The following C13orf46 variants were observed in gnomAD, a reference collection of about 807,000 sequenced individuals.
C13orf46 encodes the protein uncharacterized protein C13orf46.
chr13:113,934,231 G>T, the C13orf46 span, among the ~76,000 whole-genome samples: 1 of 152,226 alleles, frequency 6.6e-6, no homozygotes, highest in Non-Finnish European at 1.5e-5. Context: ...CGTCGGACAC[G>T]CACCTGCTGA....
the C13orf46 span, among the ~76,000 whole-genome samples, chr13:113,947,808 C>G: frequency 6.6e-6 from 1 of 152,230 alleles, no homozygotes; most frequent in Admixed American, 6.5e-5. Context: ...CGTGACACTT[C>G]CCCCCAGACA....
In C13orf46 at chr13:113,961,091, G is replaced by A. The variant is rs987806111; in HGVS notation, c.572+3836C>T. Among the ~76,000 whole-genome samples the A allele has an allele frequency of 7.8e-3, 1,189 of 152,210 alleles. 10 individuals carry two copies. Among genetic ancestry groups the A allele is most frequent in the Non-Finnish European group, 0.013 (886 of 67,986 alleles). ...TTATTTTTAAATGATCTGTAATTCT[G>A]TTTTGATTGTTTTGAACCTTTTGAC... On this transcript the variant is annotated intron_variant, in intron 6 of 6. Coordinates refer to ENST00000636427, the MANE Select transcript of C13orf46 (RefSeq NM_001365455.2).
chr13:113,948,172 A>G, the C13orf46 span, among the ~76,000 whole-genome samples: 1 of 152,226 alleles, frequency 6.6e-6, no homozygotes, highest in Non-Finnish European at 1.5e-5. Flanking sequence ...GAGGAGTCAC[A>G]TAGACATGAC....
downstream of C13orf46, among the ~76,000 whole-genome samples, chr13:113,952,179 G>A (rs1337661513): frequency 4.6e-5 from 7 of 152,326 alleles, no homozygotes; most frequent in Non-Finnish European, 1.0e-4. Flanking sequence ...CCAGTGGCAC[G>A]GACACAGGTG....
At chr13:113,939,331 C>T in the C13orf46 span, among the ~76,000 whole-genome samples, 3 of 150,124 alleles carry the variant, frequency 2.0e-5, no homozygotes, top group Non-Finnish European at 3.0e-5. Context: ...GGGGACCACC[C>T]GATGGGGAGG....
chr13:113,955,302 C>G lies in C13orf46; in HGVS notation c.*1471G>C. On this transcript the variant is annotated 3_prime_UTR_variant, in exon 7 of 7. Coordinates refer to ENST00000636427, the MANE Select transcript of C13orf46 (RefSeq NM_001365455.2). ...AGTATCTGGCGGAGAGGAGTAGTAT[C>G]TGGCAGAGAGGAGTAGTATCTGGTG... 1 of 141,790 alleles carries G rather than the reference C, an allele frequency of 7.1e-6. No individual in the cohort carries two copies. The highest frequency in any genetic ancestry group is 1.2e-4 in the South Asian group (1 of 8,246). 8.8% of individuals were successfully genotyped at this position (141,790 alleles called of 1,614,324 possible).
the C13orf46 span, among the ~76,000 whole-genome samples, chr13:113,947,549 A>G: frequency 6.6e-6 from 1 of 152,136 alleles, no homozygotes; most frequent in African/African-American, 2.4e-5. Flanking sequence ...ATGATGGCCC[A>G]AGGCTGGGTG....
the C13orf46 span, among the ~76,000 whole-genome samples, chr13:113,946,190 C>G: frequency 6.6e-6 from 1 of 152,222 alleles, no homozygotes; most frequent in Non-Finnish European, 1.5e-5. Flanking sequence ...GTCAAGCTCC[C>G]CAGCGGAGAC....
chr13:113,952,880 C>T (rs1049722406), downstream of C13orf46, among the ~76,000 whole-genome samples: 489 of 152,306 alleles, frequency 3.2e-3, 1 homozygote, highest in East Asian at 0.016. Flanking sequence ...TCATGCTGGG[C>T]GGGGCGGCGG....
chr13:113,962,927 C>T (rs1036923049), intron 6 of C13orf46, among the ~76,000 whole-genome samples: 6 of 152,172 alleles, frequency 3.9e-5, no homozygotes, highest in Admixed American at 2.6e-4. Flanking sequence ...GACCTGGTTA[C>T]GGTAGGAGTC....
intron 6 of C13orf46, among the ~76,000 whole-genome samples, chr13:113,958,626 C>T (rs1195064016): frequency 3.3e-5 from 5 of 152,252 alleles, no homozygotes; most frequent in African/African-American, 4.8e-5. Flanking sequence ...AACAGAAACA[C>T]GGCGTGGGGC....
chr13:113,967,442 G>C (rs1221393967), intron 4 of C13orf46, 54 bp from the exon 5 acceptor site: 1 of 152,344 alleles, frequency 6.6e-6, no homozygotes, highest in South Asian at 2.1e-4. Context: ...AGCTGGAGAG[G>C]AACGTTGATT....
the C13orf46 span, among the ~76,000 whole-genome samples, chr13:113,946,294 C>T: frequency 6.6e-6 from 1 of 152,156 alleles, no homozygotes; most frequent in African/African-American, 2.4e-5. Context: ...GCACACGCAC[C>T]CCTCTAACTC....
intron 5 of C13orf46, among the ~76,000 whole-genome samples, chr13:113,966,268 CAG>C (rs1298113821): frequency 1.9e-5 from 2 of 104,608 alleles, no homozygotes; most frequent in African/African-American, 3.8e-5. Flanking sequence ...ATGATGGTGA[CAG>C]TGATGGTGGT....
At chr13:113,969,134 A>C (rs1006778195) in intron 2 of C13orf46, among the ~76,000 whole-genome samples, 1 of 152,252 alleles carries the variant, frequency 6.6e-6, no homozygotes, top group African/African-American at 2.4e-5. Context: ...CAAATGGGCC[A>C]TGCTGGCCAG....
chr13:113,939,427 G>A, the C13orf46 span, among the ~76,000 whole-genome samples: 13 of 151,988 alleles, frequency 8.6e-5, no homozygotes, highest in African/African-American at 2.4e-4. Flanking sequence ...ACCACCCAAC[G>A]GGGAACACGG....
the C13orf46 span, among the ~76,000 whole-genome samples, chr13:113,935,137 A>G: frequency 5.3e-5 from 8 of 152,204 alleles, no homozygotes; most frequent in Non-Finnish European, 1.2e-4. Context: ...GAGGGGGGGA[A>G]CAGTTTCCTG....
At chr13:113,938,813 C>T in the C13orf46 span, among the ~76,000 whole-genome samples, 1 of 152,176 alleles carries the variant, frequency 6.6e-6, no homozygotes, top group African/African-American at 2.4e-5. Context: ...TTTGCTCAAA[C>T]TTCCCACTGC....
At chr13:113,958,182 C>T (rs1214100934) in intron 6 of C13orf46, among the ~76,000 whole-genome samples, 12 of 148,572 alleles carry the variant, frequency 8.1e-5, no homozygotes, top group Admixed American at 1.3e-4. Context: ...ACTCTGCCTG[C>T]ACCCCCTTTC....
Sources: allele counts gnomAD v4.1 joint callset (sites outside exome capture counted in the v4.1 genomes callset), GRCh38; gene constraint gnomAD v4.1.1; transcripts MANE v1.5; gene names NCBI Gene and HGNC (gene_info 2026-07-23, HGNC 2026-07-21).